DUS4L: variants seen among roughly 807,000 people sequenced by gnomAD.
The protein encoded by DUS4L is dihydrouridine synthase 4 like.
In DUS4L, 31 loss-of-function variants were observed where a neutral mutation model predicts 33.8. That is an observed-to-expected ratio of 0.92 (90% confidence interval 0.69 to 1.24). DUS4L has a LOEUF of 1.24. Ranked by LOEUF, DUS4L falls within the 50% of genes most tolerant of loss-of-function variation. The pLI is 0.00. For synonymous variants in DUS4L, 103 were observed against 120.3 expected (o/e 0.86, Z 0.94); for missense variants, 368 against 388.6 (o/e 0.95, Z 0.45).
In DUS4L at chr7:107,577,481, G is replaced by T; in HGVS notation, c.875G>T (p.Arg292Met). Residue 292 changes from arginine (R) to methionine (M), a missense_variant, in exon 8 of 8, where the codon AGG becomes ATG. Coordinates refer to ENST00000265720, the MANE Select transcript of DUS4L (RefSeq NM_181581.3). Reference protein sequence around the residue: ...LMYMMEKITSRQEKRVFNALS... With the variant: ...LMYMMEKITSMQEKRVFNALS... ...TACATGATGGAAAAGATAACTTCAA[G>T]GCAGGAAAAAAGGGTATTTAATGCT... The T allele has an allele frequency of 1.2e-6, 2 of 1,613,592 alleles. No individual in the cohort carries two copies. The highest frequency in any genetic ancestry group is 1.7e-6 in the Non-Finnish European group (2 of 1,179,808).
At chr7:107,573,588 T>C (rs1213657767) in intron 4 of DUS4L, 116 bp from the exon 5 acceptor site, 1 of 981,288 alleles carries the variant, frequency 1.0e-6, no homozygotes, top group Admixed American at 3.0e-5. Flanking sequence ...GACAGATGCT[T>C]CTTAGGCTAA....
At chr7:107,573,568 A>G in intron 4 of DUS4L, 136 bp from the exon 5 acceptor site, 1 of 738,372 alleles carries the variant, frequency 1.4e-6, no homozygotes, top group Non-Finnish European at 2.0e-6. Flanking sequence ...GTTTAATGTT[A>G]TATTATTTGG....
chr7:107,575,057 T>G (rs755299119), intron 5 of DUS4L, 131 bp from the exon 6 acceptor site: 1 of 1,245,236 alleles, frequency 8.0e-7, no homozygotes, highest in South Asian at 1.3e-5. Context: ...GTTGAATCTA[T>G]GAATTTTTTA....
chr7:107,573,702 AG>A lies in DUS4L; in HGVS notation c.239del. The A allele has an allele frequency of 6.2e-7, 1 of 1,603,936 alleles. No individual in the cohort carries two copies. Among genetic ancestry groups the A allele is most frequent in the East Asian group, 2.3e-5 (1 of 44,404 alleles). On this transcript the variant is annotated splice_acceptor_variant, in intron 4 of 7. Coordinates refer to ENST00000265720, the MANE Select transcript of DUS4L (RefSeq NM_181581.3). LOFTEE classifies it high-confidence loss of function. ...TTAATGTTGAGCTATTCATTTTGTC[AG>A]GTGATTGCCCATTGATTGTTCAGTT...
intron 7 of DUS4L, 68 bp downstream of exon 7, chr7:107,576,660 AT>A: frequency 7.2e-7 from 1 of 1,380,514 alleles, no homozygotes; most frequent in Non-Finnish European, 9.9e-7. Flanking sequence ...AGTAATGTTA[AT>A]TTGATTTTCA....
chr7:107,564,033 G>C lies in DUS4L; in HGVS notation c.-287G>C. ...CGAACTGACTCTCAGCCCGCGCCTG[G>C]GCTAAGCCTGGCTAGGAGCCGCGCA... On this transcript the variant is annotated 5_prime_UTR_variant, in exon 1 of 8. Coordinates refer to ENST00000265720, the MANE Select transcript of DUS4L (RefSeq NM_181581.3). 6.5e-7 allele frequency: 1 copy of C among 1,533,492 alleles called. No homozygotes were observed. Among genetic ancestry groups the C allele is most frequent in the East Asian group, 2.4e-5 (1 of 40,860 alleles). The allele number at this position is 1,533,492 out of a possible 1,614,324, so 95.0% of individuals were successfully genotyped here.
chr7:107,576,121 C>T (rs1805716546), intron 6 of DUS4L, among the ~76,000 whole-genome samples: 1 of 152,216 alleles, frequency 6.6e-6, no homozygotes, highest in South Asian at 2.1e-4. Flanking sequence ...AAAGCCAAAA[C>T]ATAGAAGCAC....
rs532264585 is a variant in DUS4L at position 107,574,382 on chromosome 7, G to A, written c.356+561G>A. Among the ~76,000 whole-genome samples the A allele has an allele frequency of 6.2e-5, 9 of 144,882 alleles. No homozygotes were observed. The South Asian group carries it at 1.3e-3, about 21-fold the overall frequency. On this transcript the variant is annotated intron_variant, in intron 5 of 7. Coordinates refer to ENST00000265720, the MANE Select transcript of DUS4L (RefSeq NM_181581.3). Reference sequence around the variant, plus strand: ...TTTTTTTTTGAGACAAGAGTTTCCCGGGTTGGAGTGCAGTGGTGTGGTCTC... The same window carrying A: ...TTTTTTTTTGAGACAAGAGTTTCCCAGGTTGGAGTGCAGTGGTGTGGTCTC...
chr7:107,573,599 A>G, intron 4 of DUS4L, 105 bp from the exon 5 acceptor site: 1 of 1,133,144 alleles, frequency 8.8e-7, no homozygotes, highest in East Asian at 2.8e-5. Flanking sequence ...CTTAGGCTAA[A>G]AAATCGTTAT....
chr7:107,564,749 T>TTA (rs1804438939), intron 2 of DUS4L, 73 bp downstream of exon 2: 1 of 152,210 alleles, frequency 6.6e-6, no homozygotes, highest in East Asian at 1.9e-4. Flanking sequence ...CTAAGATAAA[T>TTA]ACTGATAAAT....
intron 6 of DUS4L, 148 bp from the exon 7 acceptor site, chr7:107,576,218 G>A (rs1195749648): frequency 1.3e-6 from 1 of 790,476 alleles, no homozygotes; most frequent in Non-Finnish European, 1.9e-6. Flanking sequence ...ACTGCTCCCT[G>A]AAGAAAACCT....
intron 2 of DUS4L, among the ~76,000 whole-genome samples, chr7:107,565,484 C>G (rs995310439): frequency 6.6e-6 from 1 of 152,068 alleles, no homozygotes. Context: ...CTTAAAAGCT[C>G]CTCGGGTCAT....
chr7:107,573,360 G>A (rs1384710425), intron 4 of DUS4L, among the ~76,000 whole-genome samples: 7 of 152,128 alleles, frequency 4.6e-5, no homozygotes, highest in Admixed American at 4.6e-4. Context: ...AGGCACAGTG[G>A]TATATATAGA....
intron 7 of DUS4L, chr7:107,576,816 A>G (rs1007607065): frequency 1.3e-5 from 6 of 462,298 alleles, no homozygotes. Context: ...TTCTGACACC[A>G]TCATATCTAG....
intron 3 of DUS4L, chr7:107,567,849 G>T: frequency 2.4e-6 from 1 of 412,564 alleles, no homozygotes; most frequent in South Asian, 1.9e-5. Context: ...CTCCCTCTAT[G>T]AACTTCACTA....
chr7:107,574,683 T>C (rs1456821181), intron 5 of DUS4L, among the ~76,000 whole-genome samples: 2 of 152,212 alleles, frequency 1.3e-5, no homozygotes, highest in Non-Finnish European at 2.9e-5. Flanking sequence ...AGATTATCAG[T>C]AATTCAAAAT....
At chr7:107,575,049 T>C in intron 5 of DUS4L, 139 bp from the exon 6 acceptor site, 1 of 1,116,536 alleles carries the variant, frequency 9.0e-7, no homozygotes, top group Non-Finnish European at 1.3e-6. Context: ...TTAGAAATGT[T>C]GAATCTATGA....
intron 2 of DUS4L, 93 bp from the exon 3 acceptor site, chr7:107,566,956 TA>T: frequency 1.1e-6 from 1 of 897,586 alleles, no homozygotes; most frequent in Non-Finnish European, 1.6e-6. Context: ...ACAAGCCTGA[TA>T]AAAAATATAT....
intron 4 of DUS4L, among the ~76,000 whole-genome samples, chr7:107,573,208 T>C (rs928454835): frequency 1.3e-5 from 2 of 152,194 alleles, no homozygotes; most frequent in Non-Finnish European, 1.5e-5. Flanking sequence ...TCCTAAGAAT[T>C]TACCCTATGA....
Sources: gnomAD v4.1 joint callset for allele counts (sites outside exome capture counted in the v4.1 genomes callset) on GRCh38, gnomAD v4.1.1 for gene constraint, MANE v1.5 for transcripts, NCBI Gene and HGNC (gene_info 2026-07-23, HGNC 2026-07-21) for gene names.